Variants in MAGI1 observed in about 807,000 individuals in gnomAD.
The protein encoded by MAGI1 is membrane-associated guanylate kinase, WW and PDZ domain-containing protein 1.
In MAGI1, 58 loss-of-function variants were observed where a neutral mutation model predicts 139.9. That is an observed-to-expected ratio of 0.41 (90% CI 0.34 to 0.52). MAGI1 has a LOEUF of 0.52. Ranked by LOEUF, MAGI1 falls within the 20% of genes least tolerant of loss-of-function variation. The pLI, the probability that MAGI1 is intolerant of heterozygous loss-of-function variation, is 0.12. For synonymous variants in MAGI1, 812 were observed against 737.9 expected (o/e 1.10, Z -1.63); for missense variants, 1,874 against 1,901.6 (o/e 0.99, Z 0.27).
intron 1 of MAGI1, among the ~76,000 whole-genome samples, chr3:66,016,638 A>G (rs2067655820): frequency 1.3e-5 from 2 of 152,206 alleles, no homozygotes; most frequent in Admixed American, 1.3e-4. Flanking sequence ...AAACTGAGCA[A>G]GAAAGAAAAG....
rs201412335 is a variant in MAGI1, at chr3:65,783,168, AC to A, written c.314-161081del. 6.2e-4 allele frequency among the ~76,000 whole-genome samples: 94 copies of A among 151,990 alleles called. 1 individual carries two copies. Among genetic ancestry groups the A allele is most frequent in the Admixed American group, 1.9e-3 (29 of 15,260 alleles). ...AGTGTGCAGAATGTATTAAAAAAAAACAACTCTTACAATTCAACAACAAAAA... is the reference window on the plus strand; with the variant it reads ...AGTGTGCAGAATGTATTAAAAAAAAAAACTCTTACAATTCAACAACAAAAA... On this transcript the variant is annotated intron_variant, in intron 1 of 22. Transcript: ENST00000402939.
At chr3:65,809,013 A>G (rs1222058022) in intron 1 of MAGI1, among the ~76,000 whole-genome samples, 1 of 152,206 alleles carries the variant, frequency 6.6e-6, no homozygotes, top group East Asian at 1.9e-4. Context: ...AATAATCTAA[A>G]GTACAGACAT....
intron 1 of MAGI1, among the ~76,000 whole-genome samples, chr3:65,829,041 C>T (rs72896078): frequency 0.11 from 16,171 of 152,212 alleles, 1,235 homozygotes; most frequent in South Asian, 0.27. Flanking sequence ...CCAAGGAAAA[C>T]GATCTTTACC....
chr3:65,700,479 TAAC>T (rs2089519938), intron 1 of MAGI1, among the ~76,000 whole-genome samples: 1 of 152,044 alleles, frequency 6.6e-6, no homozygotes, highest in African/African-American at 2.4e-5. Context: ...ATAATAATAA[TAAC>T]AATAGCAAAT....
At chr3:65,641,422 C>T (rs1320243986) in intron 1 of MAGI1, among the ~76,000 whole-genome samples, 2 of 152,148 alleles carry the variant, frequency 1.3e-5, no homozygotes, top group African/African-American at 4.8e-5. Context: ...GACTAGGCAT[C>T]GGTATTTTTT....
intron 1 of MAGI1, chr3:65,717,550 T>G (rs2032423203): frequency 6.6e-6 from 1 of 152,234 alleles, no homozygotes; most frequent in South Asian, 2.1e-4. Flanking sequence ...GACAAAGATT[T>G]CAGAGCACGT....
chr3:65,539,902 T>C (rs1355789668), intron 2 of MAGI1, among the ~76,000 whole-genome samples: 1 of 152,220 alleles, frequency 6.6e-6, no homozygotes, highest in African/African-American at 2.4e-5. Flanking sequence ...CAGTCCTTGC[T>C]AATGATAGGT....
chr3:65,539,340 C>G (rs1442002407), intron 2 of MAGI1, among the ~76,000 whole-genome samples: 1 of 152,102 alleles, frequency 6.6e-6, no homozygotes, highest in Non-Finnish European at 1.5e-5. Flanking sequence ...CCAACTACAT[C>G]AAACAAACAC....
chr3:65,493,594 G>A lies in MAGI1; in HGVS notation c.468C>T (p.Gly156=), dbSNP rs778906272. Residue 156 remains glycine, a synonymous_variant, in exon 3 of 23, where the codon GGC becomes GGT. Transcript: ENST00000402939. ...TRSPREGEVP[G]VDYNFLTVKE... ...TCACAGTCAGAAAGTTATAGTCCAC[G>A]CCAGGCACTTCTCCTTCTCTGGGAG... 2.0e-5 allele frequency: 33 copies of A among 1,613,974 alleles called. No homozygotes were observed. The highest frequency in any genetic ancestry group is 3.3e-5 in the Admixed American group (2 of 60,006).
In MAGI1 at chr3:65,740,851, T is replaced by G. The variant is rs548994153; in HGVS notation, c.314-118763A>C. Among the ~76,000 whole-genome samples, 7 of 152,374 alleles carry G rather than the reference T, an allele frequency of 4.6e-5. No individual in the cohort carries two copies. The East Asian group carries it at 1.3e-3, about 29-fold the overall frequency. On this transcript the variant is annotated intron_variant, in intron 1 of 22. Coordinates refer to ENST00000402939, the MANE Select transcript of MAGI1 (RefSeq NM_001033057.2). ...GTAAATATGTGACCCCATTTTTGTA[T>G]GCACACATCCACAAACACTAGAAAA...
intron 1 of MAGI1, among the ~76,000 whole-genome samples, chr3:65,723,352 T>C (rs955231161): frequency 2.0e-5 from 3 of 152,176 alleles, no homozygotes; most frequent in African/African-American, 7.2e-5. Context: ...TCCTGGACTT[T>C]TCATGCAGAA....
chr3:65,988,509 T>C (rs1327523514), intron 1 of MAGI1, among the ~76,000 whole-genome samples: 3 of 152,116 alleles, frequency 2.0e-5, no homozygotes, highest in South Asian at 2.1e-4. Context: ...GGAATCTACC[T>C]ACAAATGAGG....
At chr3:65,766,628 G>A (rs1055342597) in intron 1 of MAGI1, among the ~76,000 whole-genome samples, 7 of 152,048 alleles carry the variant, frequency 4.6e-5, no homozygotes, top group South Asian at 2.1e-4. Context: ...GGTGGCTCAC[G>A]CCTGTAATCC....
intron 1 of MAGI1, among the ~76,000 whole-genome samples, chr3:65,939,439 T>C (rs2063208318): frequency 6.6e-6 from 1 of 152,168 alleles, no homozygotes; most frequent in Non-Finnish European, 1.5e-5. Context: ...AACAGCTAAA[T>C]GTAGATGATG....
At position 65,887,881 on chromosome 3, in the gene MAGI1, C is replaced by T. The variant is rs558935778; in HGVS notation, c.313+150115G>A. 4.6e-5 allele frequency among the ~76,000 whole-genome samples: 7 copies of T among 152,224 alleles called. No homozygotes were observed. The South Asian group carries it at 8.3e-4, about 18-fold the overall frequency. ...CAAGAGAACAGCATAGATACAGTATCCTAAATGATCATGCACATAAAACAA... is the reference window on the plus strand; with the variant it reads ...CAAGAGAACAGCATAGATACAGTATTCTAAATGATCATGCACATAAAACAA... On this transcript the variant is annotated intron_variant, in intron 1 of 22. Coordinates refer to ENST00000402939, the MANE Select transcript of MAGI1 (RefSeq NM_001033057.2).
intron 1 of MAGI1, among the ~76,000 whole-genome samples, chr3:65,822,509 C>A (rs1217719263): frequency 6.6e-6 from 1 of 152,024 alleles, no homozygotes; most frequent in African/African-American, 2.4e-5. Flanking sequence ...GCCTGGGCAA[C>A]AGAGCGAGAC....
chr3:65,838,869 T>C (rs1354086974), intron 1 of MAGI1, among the ~76,000 whole-genome samples: 2 of 152,242 alleles, frequency 1.3e-5, no homozygotes, highest in South Asian at 2.1e-4. Context: ...TCAGCTTCTC[T>C]GCATCCTCAC....
chr3:65,781,266 C>G (rs769627054), intron 1 of MAGI1, among the ~76,000 whole-genome samples: 5 of 152,144 alleles, frequency 3.3e-5, no homozygotes, highest in Non-Finnish European at 7.4e-5. Flanking sequence ...GCACACAGAG[C>G]CTTCCCAAAC....
At chr3:65,914,361 GA>G (rs200954106) in intron 1 of MAGI1, among the ~76,000 whole-genome samples, 3,296 of 152,266 alleles carry the variant, frequency 0.022, 70 homozygotes, top group Non-Finnish European at 0.029. Flanking sequence ...ACCCACAAAT[GA>G]ACACATTCAA....
Sources: gnomAD v4.1 joint callset for allele counts (sites outside exome capture counted in the v4.1 genomes callset) on GRCh38, gnomAD v4.1.1 for gene constraint, MANE v1.5 for transcripts, NCBI Gene and HGNC (gene_info 2026-07-23, HGNC 2026-07-21) for gene names.